OCA2: variants seen among roughly 807,000 people sequenced by gnomAD.
The protein encoded by OCA2 is P protein.
A neutral mutation model predicts 100.2 loss-of-function variants in OCA2; 77 were observed. The ratio of observed to expected loss-of-function variants is 0.77; its 90% CI spans 0.64 to 0.93. OCA2 has a LOEUF of 0.93. Ranked by LOEUF, OCA2 falls within the 40% of genes least tolerant of loss-of-function variation. The probability of loss-of-function intolerance (pLI) is 0.00; values close to 1 mark genes in which losing one functional copy is unlikely to be tolerated. For missense variants in OCA2, 1,062 were observed against 1,089.1 expected, an observed-to-expected ratio of 0.98 and a Z score of 0.35; for synonymous variants, 432 against 439.2, an observed-to-expected ratio of 0.98 and a Z score of 0.21.
intron 23 of OCA2, among the ~76,000 whole-genome samples, chr15:27,774,221 T>TGG (rs139139735): frequency 2.6e-5 from 4 of 152,114 alleles, no homozygotes; most frequent in African/African-American, 9.7e-5. Context: ...CACCCCACTG[T>TGG]GGGGGGCCAG....
chr15:27,952,140 C>G (rs1406966800), intron 17 of OCA2, among the ~76,000 whole-genome samples: 2 of 152,208 alleles, frequency 1.3e-5, no homozygotes, highest in Non-Finnish European at 2.9e-5. Context: ...TTATGAAACA[C>G]CTGGCCGGCA....
chr15:28,069,593 G>A (rs1412631495), intron 2 of OCA2, among the ~76,000 whole-genome samples: 10 of 140,846 alleles, frequency 7.1e-5, no homozygotes, highest in African/African-American at 1.4e-4. Flanking sequence ...TGGTGGAGAC[G>A]GGGTTTCGCT....
intron 2 of OCA2, among the ~76,000 whole-genome samples, chr15:28,041,426 A>T (rs1394039110): frequency 6.6e-6 from 1 of 152,224 alleles, no homozygotes; most frequent in Non-Finnish European, 1.5e-5. Context: ...ATCACACTGA[A>T]TGGTGAAAGA....
chr15:27,872,712 C>G (rs1176974064), intron 19 of OCA2, among the ~76,000 whole-genome samples: 1 of 148,298 alleles, frequency 6.7e-6, no homozygotes, highest in East Asian at 2.0e-4. Flanking sequence ...TTTTTTGAGA[C>G]AGAGTCTTGC....
At chr15:27,892,057 C>A (rs1281679881) in intron 19 of OCA2, among the ~76,000 whole-genome samples, 1 of 151,906 alleles carries the variant, frequency 6.6e-6, no homozygotes. Context: ...AACAGAGCAG[C>A]AAAATACATG....
intron 21 of OCA2, among the ~76,000 whole-genome samples, chr15:27,864,528 T>G (rs556522787): frequency 6.6e-6 from 1 of 152,280 alleles, no homozygotes; most frequent in South Asian, 2.1e-4. Context: ...TAGCCCAGGA[T>G]GTCTGTCCTG....
intron 7 of OCA2, among the ~76,000 whole-genome samples, chr15:28,017,779 T>C (rs774746739): frequency 6.6e-6 from 1 of 151,958 alleles, no homozygotes; most frequent in African/African-American, 2.4e-5. Flanking sequence ...ACGACTTCCA[T>C]GCAGAAGTCA....
Position 27,956,690 on chromosome 15 carries a change from G to A in OCA2, c.1784+898C>T, listed in dbSNP as rs188679200. On this transcript the variant is annotated intron_variant, in intron 16 of 23. Transcript: ENST00000354638. ...AACTCAGGGCCTCCCTGTGGCCTGAGGACACTGGTCCTGCTGCTCCAGCAT... is the reference window on the plus strand; with the variant it reads ...AACTCAGGGCCTCCCTGTGGCCTGAAGACACTGGTCCTGCTGCTCCAGCAT... 1.5e-4 allele frequency among the ~76,000 whole-genome samples: 23 copies of A among 152,308 alleles called. No individual in the cohort carries two copies. The East Asian group carries it at 3.7e-3, about 24-fold the overall frequency.
intron 5 of OCA2, among the ~76,000 whole-genome samples, chr15:28,022,777 T>C (rs1595840295): frequency 6.6e-6 from 1 of 152,178 alleles, no homozygotes; most frequent in Non-Finnish European, 1.5e-5. Context: ...GCCCTGATTA[T>C]TGATACCTGC....
At chr15:28,057,409 C>T (rs2043735844) in intron 2 of OCA2, among the ~76,000 whole-genome samples, 1 of 152,108 alleles carries the variant, frequency 6.6e-6, no homozygotes, top group South Asian at 2.1e-4. Context: ...TCTATGGGGC[C>T]TGCACTGTGA....
intron 23 of OCA2, among the ~76,000 whole-genome samples, chr15:27,778,927 G>A (rs1302801360): frequency 6.6e-6 from 1 of 152,216 alleles, no homozygotes; most frequent in Non-Finnish European, 1.5e-5. Flanking sequence ...AGCTATATAT[G>A]CCTCTTTTGA....
intron 23 of OCA2, among the ~76,000 whole-genome samples, chr15:27,835,399 C>T (rs940573157): frequency 2.0e-5 from 3 of 152,174 alleles, no homozygotes; most frequent in African/African-American, 4.8e-5. Context: ...AGGCCCCCAC[C>T]GCCATCCCAG....
intron 23 of OCA2, among the ~76,000 whole-genome samples, chr15:27,830,342 T>C (rs561955689): frequency 6.6e-6 from 1 of 152,282 alleles, no homozygotes; most frequent in East Asian, 1.9e-4. Flanking sequence ...ATAGGTGAGC[T>C]GCATCCATGT....
intron 2 of OCA2, among the ~76,000 whole-genome samples, chr15:28,042,344 G>A (rs560656983): frequency 2.0e-5 from 3 of 151,834 alleles, no homozygotes; most frequent in Non-Finnish European, 2.9e-5. Context: ...AAATGCCTTC[G>A]GGCCAGGTGC....
At chr15:28,014,964 G>A in intron 8 of OCA2, 35 bp from the exon 9 acceptor site, 1 of 1,611,838 alleles carries the variant, frequency 6.2e-7, no homozygotes, top group Non-Finnish European at 8.5e-7. Context: ...CTGTTCACAA[G>A]GTCAACAGTT....
chr15:27,952,830 G>C (rs1389434632), intron 17 of OCA2, among the ~76,000 whole-genome samples: 1 of 151,996 alleles, frequency 6.6e-6, no homozygotes, highest in Non-Finnish European at 1.5e-5. Flanking sequence ...CTACAGGTGT[G>C]CACCACCATG....
At chr15:27,845,986 G>A (rs2035519480) in intron 22 of OCA2, among the ~76,000 whole-genome samples, 4 of 152,300 alleles carry the variant, frequency 2.6e-5, no homozygotes, top group Admixed American at 6.5e-5. Context: ...GACAGGGTGA[G>A]CAGTGTGCCC....
chr15:27,912,506 C>G (rs1319862520), intron 19 of OCA2, among the ~76,000 whole-genome samples: 1 of 151,832 alleles, frequency 6.6e-6, no homozygotes, highest in African/African-American at 2.4e-5. Flanking sequence ...CTGGAATAAT[C>G]TGAGCAACAA....
At chr15:28,014,602 T>C (rs1402855338) in intron 9 of OCA2, among the ~76,000 whole-genome samples, 174 bp downstream of exon 9, 1 of 152,182 alleles carries the variant, frequency 6.6e-6, no homozygotes, top group Non-Finnish European at 1.5e-5. Context: ...CAGCAAATAT[T>C]CCTGTATGGT....
Sources: gnomAD v4.1 joint callset for allele counts (sites outside exome capture counted in the v4.1 genomes callset) on GRCh38, gnomAD v4.1.1 for gene constraint, MANE v1.5 for transcripts, NCBI Gene and HGNC (gene_info 2026-07-23, HGNC 2026-07-21) for gene names.